The following GRB10 variants were observed in gnomAD, a reference collection of about 807,000 sequenced individuals.
GRB10 encodes the protein growth factor receptor bound protein 10, also known as growth factor receptor-bound protein 10.
A neutral mutation model predicts 80.9 loss-of-function variants in GRB10; 20 were observed. The ratio of observed to expected loss-of-function variants is 0.25; its 90% confidence interval spans 0.17 to 0.36. The LOEUF is 0.36. Ranked by LOEUF, GRB10 falls within the 10% of genes least tolerant of loss-of-function variation. GRB10 has a pLI of 1.00. For synonymous variants in GRB10, 291 were observed against 291.5 expected, an observed-to-expected ratio of 1.00 and a Z score of 0.02; for missense variants, 548 against 747.7, an observed-to-expected ratio of 0.73 and a Z score of 3.12.
chr7:50,657,180 C>T (rs1459141732), intron 7 of GRB10, among the ~76,000 whole-genome samples: 1 of 152,184 alleles, frequency 6.6e-6, no homozygotes, highest in African/African-American at 2.4e-5. Flanking sequence ...TTTACTAAAA[C>T]CTGATAAAAT....
At chr7:50,786,293 G>A (rs989402814), upstream of GRB10, among the ~76,000 whole-genome samples, 4 of 152,124 alleles carry the variant, frequency 2.6e-5, no homozygotes, top group Non-Finnish European at 5.9e-5. Context: ...AAAGAGAGAA[G>A]AGGAAAATGG....
rs754390237 is a variant in GRB10, at chr7:50,674,653, C to G, written c.145G>C (p.Asp49His). The change falls in exon 6 of 19, where the codon GAT becomes CAT. Residue 49 changes from aspartate to histidine, a missense_variant. This residue lies in a region of GRB10 where 245 missense variants were observed against 229.3 expected (regional missense o/e 1.07). Coordinates refer to ENST00000401949, the MANE Select transcript of GRB10 (RefSeq NM_001350814.2). ...SDRLANHQED[D>H]VDLEALVNDM... ...TTCACCAGGGCTTCCAGGTCCACAT[C>G]ATCCTCTGCACAGAAAAAGGCAAGA... The G allele has an allele frequency of 2.5e-6, 4 of 1,613,622 alleles. No individual in the cohort carries two copies. The highest frequency in any genetic ancestry group is 1.1e-5 in the South Asian group (1 of 91,084).
intron 7 of GRB10, among the ~76,000 whole-genome samples, chr7:50,647,050 T>C (rs2057305672): frequency 6.6e-6 from 1 of 152,224 alleles, no homozygotes; most frequent in Non-Finnish European, 1.5e-5. Flanking sequence ...AGATGAAATG[T>C]GCCTATTAAT....
chr7:50,594,704 G>C (rs543121152), intron 18 of GRB10, among the ~76,000 whole-genome samples: 8 of 152,298 alleles, frequency 5.3e-5, no homozygotes, highest in African/African-American at 1.7e-4. Context: ...TGTAGGCGCT[G>C]ATCTAGCACT....
intron 5 of GRB10, among the ~76,000 whole-genome samples, chr7:50,677,759 T>C (rs1420562501): frequency 6.6e-6 from 1 of 152,218 alleles, no homozygotes; most frequent in Non-Finnish European, 1.5e-5. Flanking sequence ...TAAAAGTCAA[T>C]ACTGGCCAAA....
In GRB10 at chr7:50,590,437, A is replaced by G. The variant is rs946114181; in HGVS notation, c.*2515T>C. On this transcript the variant is annotated 3_prime_UTR_variant, in exon 19 of 19. Coordinates refer to ENST00000401949, the MANE Select transcript of GRB10 (RefSeq NM_001350814.2). Reference sequence around the variant, plus strand: ...ATGTTTCTTCAAGGTTTAGCAAACAAAAGAACATTCTGGAACTCTAACACC... The same window carrying G: ...ATGTTTCTTCAAGGTTTAGCAAACAGAAGAACATTCTGGAACTCTAACACC... 3 of 152,358 alleles carry G rather than the reference A, an allele frequency of 2.0e-5. No individual in the cohort carries two copies. The highest frequency in any genetic ancestry group is 2.9e-5 in the Non-Finnish European group (2 of 68,046). The allele number at this position is 152,358 out of a possible 1,614,324, so 9.4% of individuals were successfully genotyped here.
At chr7:50,769,834 G>A (rs1445201374) in intron 2 of GRB10, among the ~76,000 whole-genome samples, 3 of 151,700 alleles carry the variant, frequency 2.0e-5, no homozygotes, top group Non-Finnish European at 2.9e-5. Flanking sequence ...TTATTCTCCC[G>A]TTGCTGTCGA....
intron 2 of GRB10, among the ~76,000 whole-genome samples, chr7:50,775,440 T>C (rs1407735594): frequency 2.0e-5 from 3 of 152,110 alleles, no homozygotes; most frequent in African/African-American, 4.8e-5. Flanking sequence ...CAGGTTGCAG[T>C]TGGGTACCTG....
At chr7:50,652,519 A>G (rs1358367147) in intron 7 of GRB10, among the ~76,000 whole-genome samples, 4 of 152,200 alleles carry the variant, frequency 2.6e-5, no homozygotes, top group Non-Finnish European at 5.9e-5. Flanking sequence ...ACTGACTGCT[A>G]ATAAAAGAAC....
intron 5 of GRB10, among the ~76,000 whole-genome samples, chr7:50,687,274 A>T (rs149683409): frequency 2.1e-4 from 32 of 152,344 alleles, no homozygotes; most frequent in Non-Finnish European, 4.3e-4. Context: ...TTCCAGGCCC[A>T]GGAATCTATT....
At chr7:50,791,201 T>C (rs756659700) in intron 1 of GRB10, among the ~76,000 whole-genome samples, 1 of 152,170 alleles carries the variant, frequency 6.6e-6, no homozygotes, top group Non-Finnish European at 1.5e-5. Context: ...AACTACCACA[T>C]CAAAACTCAT....
intron 7 of GRB10, among the ~76,000 whole-genome samples, chr7:50,633,914 C>T (rs1206897310): frequency 6.6e-6 from 1 of 151,862 alleles, no homozygotes; most frequent in Admixed American, 6.6e-5. Context: ...AAACCTAGGA[C>T]TTATAGGTAT....
At chr7:50,738,930 A>C (rs561083058) in intron 3 of GRB10, among the ~76,000 whole-genome samples, 2 of 152,294 alleles carry the variant, frequency 1.3e-5, no homozygotes, top group East Asian at 3.9e-4. Flanking sequence ...GTCGAAGGTT[A>C]AACCCTCCTT....
At chr7:50,714,333 A>T (rs2066475060) in intron 4 of GRB10, among the ~76,000 whole-genome samples, 1 of 152,236 alleles carries the variant, frequency 6.6e-6, no homozygotes, top group Admixed American at 6.5e-5. Context: ...GATCAGTGAC[A>T]ATGCAAGTTA....
At chr7:50,616,158 G>C in intron 11 of GRB10, 52 bp downstream of exon 11, 2 of 1,610,804 alleles carry the variant, frequency 1.2e-6, no homozygotes, top group Non-Finnish European at 1.7e-6. Context: ...AGGACCTGGG[G>C]GGAGTGACTG....
intron 4 of GRB10, among the ~76,000 whole-genome samples, chr7:50,708,707 C>T (rs1288924421): frequency 1.4e-5 from 2 of 141,860 alleles, no homozygotes; most frequent in East Asian, 2.1e-4. Flanking sequence ...GACAGAGTCT[C>T]ACTCTGTCGC....
intron 1 of GRB10, among the ~76,000 whole-genome samples, chr7:50,789,999 T>C (rs1327192107): frequency 6.6e-6 from 1 of 152,190 alleles, no homozygotes; most frequent in African/African-American, 2.4e-5. Flanking sequence ...GCAGGCCCTG[T>C]GATCACCAGG....
chr7:50,726,504 T>A (rs1027739478), intron 4 of GRB10, among the ~76,000 whole-genome samples: 1 of 152,200 alleles, frequency 6.6e-6, no homozygotes, highest in Admixed American at 6.5e-5. Context: ...AGGATGATGA[T>A]GTTTGAGAAG....
At chr7:50,647,361 G>GA (rs142197170) in intron 7 of GRB10, among the ~76,000 whole-genome samples, 13,317 of 152,170 alleles carry the variant, frequency 0.088, 886 homozygotes, top group Non-Finnish European at 0.11. Context: ...CCTATAATTT[G>GA]AAAAAATGTT....
Sources: allele counts gnomAD v4.1 joint callset (sites outside exome capture counted in the v4.1 genomes callset), GRCh38; gene constraint gnomAD v4.1.1; regional missense constraint gnomAD v4.1.1; transcripts MANE v1.5; gene names NCBI Gene and HGNC (gene_info 2026-07-23, HGNC 2026-07-21).